TMEM9B: variants seen among roughly 807,000 people sequenced by gnomAD.
TMEM9B encodes the protein TMEM9 domain family member B.
A neutral mutation model predicts 23.5 loss-of-function variants in TMEM9B; 8 were observed. The ratio of observed to expected loss-of-function variants is 0.34; its 90% CI spans 0.20 to 0.61. The LOEUF is 0.61. Ranked by LOEUF, TMEM9B falls within the 20% of genes least tolerant of loss-of-function variation. The pLI is 0.78. For synonymous variants in TMEM9B, 106 were observed against 96.3 expected, an observed-to-expected ratio of 1.10 and a Z score of -0.59; for missense variants, 197 against 252.3, an observed-to-expected ratio of 0.78 and a Z score of 1.49.
intron 4 of TMEM9B, among the ~76,000 whole-genome samples, chr11:8,952,338 G>GTA (rs1853901216): frequency 6.7e-6 from 1 of 149,504 alleles, no homozygotes; most frequent in African/African-American, 2.5e-5. Flanking sequence ...GTGTGTGTGT[G>GTA]AGAGATTTAA....
chr11:8,964,408 A>C lies in TMEM9B; in HGVS notation c.-95T>G. ...GCTCAGGCTCAGGCACAGGCTTGGGACCCGGCTGGGGATCCTCCGCCCGCA... is the reference window on the plus strand; with the variant it reads ...GCTCAGGCTCAGGCACAGGCTTGGGCCCCGGCTGGGGATCCTCCGCCCGCA... On this transcript the variant is annotated 5_prime_UTR_variant, in exon 1 of 5. Coordinates refer to ENST00000534025, the MANE Select transcript of TMEM9B (RefSeq NM_020644.3). The C allele has an allele frequency of 2.8e-6, 4 of 1,429,812 alleles. No homozygotes were observed. The African/African-American group carries it at 4.7e-5, about 17-fold the overall frequency. The allele number at this position is 1,429,812 out of a possible 1,614,324, so 88.6% of individuals were successfully genotyped here.
chr11:8,955,481 C>T (rs1349689112), intron 3 of TMEM9B, among the ~76,000 whole-genome samples: 2 of 151,966 alleles, frequency 1.3e-5, no homozygotes, highest in East Asian at 3.8e-4. Flanking sequence ...TGTTTTCCTG[C>T]AACTAGACGG....
chr11:8,964,293 G>A lies in TMEM9B; in HGVS notation c.21C>T (p.Gly7=), dbSNP rs137889457. 2.8e-5 allele frequency: 45 copies of A among 1,589,224 alleles called. No homozygotes were observed. In the African/African-American group the frequency reaches 5.2e-4, roughly 18 times the overall value. ...TGAGCAAGGAGCCAAGCCGAAGAAG[G>A]CCTCCCCACAGGGTCGCCATCGCTG... The part of the protein sequence containing the change: MATLWG[G]LLRLGSLLSL... Residue 7 remains glycine (G), a synonymous_variant, in exon 1 of 5, where the codon GGC becomes GGT. Coordinates refer to ENST00000534025, the MANE Select transcript of TMEM9B (RefSeq NM_020644.3).
At chr11:8,954,267 G>T (rs1853933930) in intron 3 of TMEM9B, among the ~76,000 whole-genome samples, 1 of 151,778 alleles carries the variant, frequency 6.6e-6, no homozygotes, top group Non-Finnish European at 1.5e-5. Context: ...GGGCATGAGG[G>T]ATCTTTTTGG....
upstream of TMEM9B, chr11:8,964,939 CTG>C: frequency 6.5e-6 from 1 of 152,832 alleles, no homozygotes; most frequent in Admixed American, 6.5e-5. Context: ...CTTTCTAATT[CTG>C]TGAGCTGCCC....
chr11:8,964,462 G>A (rs1480764276), upstream of TMEM9B: 4 of 1,423,902 alleles, frequency 2.8e-6, no homozygotes, highest in Non-Finnish European at 3.6e-6. Context: ...GGCGTCACCG[G>A]GCGCGCCGGG....
chr11:8,948,467 C>T lies in TMEM9B; in HGVS notation c.450G>A (p.Gln150=), dbSNP rs1853816115. The T allele has an allele frequency of 6.2e-7, 1 of 1,613,744 alleles. No homozygotes were observed. The highest frequency in any genetic ancestry group is 8.5e-7 in the Non-Finnish European group (1 of 1,179,798). ...GCACATCGTGTGCATTTGCAAAAGG[C>T]TGGTGATCCTAAAAGTCCAGGAATG... ...IQSDDDIGDH[Q]PFANAHDVLA... The change falls in exon 5 of 5, where the codon CAG becomes CAA. Residue 150 remains glutamine, a synonymous_variant. Coordinates refer to ENST00000534025, the MANE Select transcript of TMEM9B (RefSeq NM_020644.3).
chr11:8,964,169 G>T, intron 1 of TMEM9B, 40 bp downstream of exon 1: 1 of 1,543,342 alleles, frequency 6.5e-7, no homozygotes, highest in Non-Finnish European at 8.8e-7. Context: ...CGGTGGTAGG[G>T]GAGGAGCTTC....
chr11:8,948,191 C>A lies in TMEM9B; in HGVS notation c.*129G>T. 3.3e-6 allele frequency: 4 copies of A among 1,220,194 alleles called. No individual in the cohort carries two copies. Among genetic ancestry groups the A allele is most frequent in the Non-Finnish European group, 4.5e-6 (4 of 889,906 alleles). The allele number at this position is 1,220,194 out of a possible 1,614,324, so 75.6% of individuals were successfully genotyped here. On this transcript the variant is annotated 3_prime_UTR_variant, in exon 5 of 5. Coordinates refer to ENST00000534025, the MANE Select transcript of TMEM9B (RefSeq NM_020644.3). ...AAAAAAATCAAGCAAGTTTTTGCTT[C>A]CAGTTTTGAATCTTCCAGCAACAGT...
chr11:8,950,120 T>C (rs539293545), intron 4 of TMEM9B, among the ~76,000 whole-genome samples: 2 of 149,676 alleles, frequency 1.3e-5, no homozygotes, highest in Non-Finnish European at 1.5e-5. Context: ...TTAAAAAATG[T>C]AAGAAAAAAG....
At chr11:8,961,673 C>T (rs1389561307) in intron 2 of TMEM9B, among the ~76,000 whole-genome samples, 1 of 152,226 alleles carries the variant, frequency 6.6e-6, no homozygotes, top group Non-Finnish European at 1.5e-5. Flanking sequence ...CACTTTTAAA[C>T]ATAGCTTCCC....
At chr11:8,953,506 GAAAA>G (rs3833779) in intron 3 of TMEM9B, among the ~76,000 whole-genome samples, 169 bp from the exon 4 acceptor site, 1 of 151,912 alleles carries the variant, frequency 6.6e-6, no homozygotes, top group African/African-American at 2.4e-5. Flanking sequence ...TATTATTTAA[GAAAA>G]AAAGAGGAAA....
chr11:8,953,467 T>G (rs1853919939), intron 3 of TMEM9B, 130 bp from the exon 4 acceptor site: 2 of 885,110 alleles, frequency 2.3e-6, no homozygotes, highest in African/African-American at 1.7e-5. Context: ...GATAGCAATA[T>G]AAGAAATAAA....
chr11:8,953,309 A>C lies in TMEM9B; in HGVS notation c.335T>G (p.Leu112Trp). 6.2e-7 allele frequency: 1 copy of C among 1,614,034 alleles called. No homozygotes were observed. Among genetic ancestry groups the C allele is most frequent in the Non-Finnish European group, 8.5e-7 (1 of 1,179,956 alleles). ...KVTIIIYLSI[L>W]GLLLLYMVYL... ...TACCATGTACAGAAGTAGAAGGCCC[A>C]AAATGGAGAGATAAATTATAATGGT... The change falls in exon 4 of 5, where the codon TTG becomes TGG. Residue 112 changes from leucine (L) to tryptophan (W), a missense_variant. Leu to Trp is a moderately conservative substitution (Grantham distance 61). This residue lies in a region of TMEM9B where 141 missense variants were observed against 214.1 expected (regional missense o/e 0.66). Coordinates refer to ENST00000534025, the MANE Select transcript of TMEM9B (RefSeq NM_020644.3).
chr11:8,955,631 C>A (rs1853960929), intron 3 of TMEM9B, among the ~76,000 whole-genome samples: 1 of 152,112 alleles, frequency 6.6e-6, no homozygotes, highest in Non-Finnish European at 1.5e-5. Context: ...AATGCTGCTG[C>A]TCATCTGACA....
Position 8,953,356 on chromosome 11 carries a change from T to G in TMEM9B, c.307-19A>C. ...TGGTAACCTAAAGGAAATTGAAAATTAAGTTACATCTTTGTTCAAGCCCAT... is the reference window on the plus strand; with the variant it reads ...TGGTAACCTAAAGGAAATTGAAAATGAAGTTACATCTTTGTTCAAGCCCAT... On this transcript the variant is annotated intron_variant, in intron 3 of 4. Transcript: ENST00000534025. 2 of 1,610,694 alleles carry G rather than the reference T, an allele frequency of 1.2e-6. No individual in the cohort carries two copies. The highest frequency in any genetic ancestry group is 2.2e-5 in the South Asian group (2 of 90,854).
chr11:8,949,367 A>C (rs1182856838), intron 4 of TMEM9B, among the ~76,000 whole-genome samples: 1 of 152,214 alleles, frequency 6.6e-6, no homozygotes, highest in East Asian at 1.9e-4. Flanking sequence ...CAGCTGTCTA[A>C]ATGACAAAAA....
chr11:8,950,395 A>G (rs1157948196), intron 4 of TMEM9B, among the ~76,000 whole-genome samples: 1 of 152,202 alleles, frequency 6.6e-6, no homozygotes, highest in East Asian at 1.9e-4. Context: ...GGAAAATATT[A>G]TCACCATTGG....
chr11:8,948,986 G>C (rs1853827684), intron 4 of TMEM9B, among the ~76,000 whole-genome samples: 1 of 152,108 alleles, frequency 6.6e-6, no homozygotes, highest in Non-Finnish European at 1.5e-5. Flanking sequence ...ACATCACTCT[G>C]GGAGGGTGAG....
Sources: allele counts gnomAD v4.1 joint callset (sites outside exome capture counted in the v4.1 genomes callset), GRCh38; gene constraint gnomAD v4.1.1; regional missense constraint gnomAD v4.1.1; transcripts MANE v1.5; gene names NCBI Gene and HGNC (gene_info 2026-07-23, HGNC 2026-07-21).